The following TMEM106C variants were observed in gnomAD, a reference collection of about 807,000 sequenced individuals.
TMEM106C encodes transmembrane protein 106C.
A neutral mutation model predicts 30.8 loss-of-function variants in TMEM106C; 27 were observed. That is an observed-to-expected ratio of 0.88 (90% CI 0.65 to 1.21). The LOEUF (loss-of-function observed/expected upper bound fraction) is 1.21, where lower values mean the gene tolerates loss of function less well. Ranked by LOEUF, TMEM106C falls within the 50% of genes most tolerant of loss-of-function variation. The probability of loss-of-function intolerance (pLI) is 0.00; values close to 1 mark genes in which losing one functional copy is unlikely to be tolerated. For missense variants in TMEM106C, 288 were observed against 307.8 expected, an observed-to-expected ratio of 0.94 and a Z score of 0.48; for synonymous variants, 123 against 118.8, an observed-to-expected ratio of 1.04 and a Z score of -0.23.
At chr12:47,967,292 G>T (rs1032168700) in intron 7 of TMEM106C, 31 bp downstream of exon 7, 2 of 1,613,308 alleles carry the variant, frequency 1.2e-6, no homozygotes, top group Middle Eastern at 3.3e-4. Context: ...CCGATGGCCT[G>T]TCCGGCCATG....
intron 6 of TMEM106C, 92 bp from the exon 7 acceptor site, chr12:47,967,116 G>A (rs1938255037): frequency 7.5e-7 from 1 of 1,327,382 alleles, no homozygotes; most frequent in Non-Finnish European, 1.1e-6. Context: ...GGGGGAGGGG[G>A]GCACCCCAAA....
At chr12:47,965,402 T>C (rs1938189740) in intron 3 of TMEM106C, 57 bp downstream of exon 3, 1 of 1,416,578 alleles carries the variant, frequency 7.1e-7, no homozygotes, top group Non-Finnish European at 9.9e-7. Flanking sequence ...TCTCTTTCTG[T>C]ATGTATGAAT....
Position 47,965,975 on chromosome 12 carries a change from C to G in TMEM106C, c.389C>G (p.Ser130Cys). Residue 130 changes from serine (S) to cysteine (C), a missense_variant, in exon 4 of 8, where the codon TCC (serine) becomes TGC (cysteine). Ser to Cys is a moderately radical substitution (Grantham distance 112). Coordinates refer to ENST00000429772, the MANE Select transcript of TMEM106C (RefSeq NM_001143842.2). ...AAAGTCACATTTAATAAGCAAGACT[C>G]CCTTGTAATTCTCACCATCATGGTA... ...VVKVTFNKQD[S>C]LVILTIMATL... 1 of 1,614,208 alleles carries G rather than the reference C, an allele frequency of 6.2e-7. No homozygotes were observed. Among genetic ancestry groups the G allele is most frequent in the African/African-American group, 1.3e-5 (1 of 75,040 alleles).
At position 47,966,687 on chromosome 12, in the gene TMEM106C, A is replaced by T; in HGVS notation, c.557A>T (p.Asn186Ile). Reference sequence around the variant, plus strand: ...ACTCTGGTATCTTATTTTCAGGTGAATTTTACCGGGAAGGCCGAGATGGGA... The same window carrying T: ...ACTCTGGTATCTTATTTTCAGGTGATTTTTACCGGGAAGGCCGAGATGGGA... ...LIPPRSEQLV[N>I]FTGKAEMGGP... Residue 186 changes from asparagine to isoleucine, a missense_variant, in exon 6 of 8, where the codon AAT becomes ATT. Physicochemically the swap from Asn to Ile is moderately radical, Grantham distance 149. Transcript: ENST00000429772. 6.2e-7 allele frequency: 1 copy of T among 1,614,140 alleles called. No individual in the cohort carries two copies. Among genetic ancestry groups the T allele is most frequent in the South Asian group, 1.1e-5 (1 of 91,088 alleles).
chr12:47,964,188 C>G, intron 1 of TMEM106C, 21 bp from the exon 2 acceptor site: 1 of 1,579,164 alleles, frequency 6.3e-7, no homozygotes, highest in Non-Finnish European at 8.7e-7. Flanking sequence ...CGCTAACGTG[C>G]ACTCCCTCTT....
intron 4 of TMEM106C, 35 bp downstream of exon 4, chr12:47,966,032 C>T (rs1938210602): frequency 1.2e-6 from 2 of 1,614,024 alleles, no homozygotes; most frequent in African/African-American, 1.3e-5. Context: ...GGGTTGTGCA[C>T]CTGCCAGGCT....
chr12:47,967,080 A>G, intron 6 of TMEM106C, 128 bp from the exon 7 acceptor site: 1 of 919,428 alleles, frequency 1.1e-6, no homozygotes, highest in Admixed American at 1.9e-5. Flanking sequence ...GAGAGCTGAC[A>G]AGCCTTGGCA....
intron 1 of TMEM106C, 139 bp from the exon 2 acceptor site, chr12:47,964,065 TCCCGA>T: frequency 4.6e-6 from 3 of 656,368 alleles, no homozygotes; most frequent in Non-Finnish European, 7.8e-6. Context: ...AAAATGAGGG[TCCCGA>T]TAGAAATCGT....
chr12:47,965,680 G>A (rs1938195704), intron 3 of TMEM106C, 158 bp from the exon 4 acceptor site: 3 of 944,612 alleles, frequency 3.2e-6, no homozygotes, highest in Non-Finnish European at 3.2e-6. Context: ...GTTTTAAAAG[G>A]TTTCTCCTGC....
intron 1 of TMEM106C, chr12:47,963,930 G>C (rs541643730): frequency 4.2e-5 from 19 of 449,478 alleles, no homozygotes; most frequent in African/African-American, 3.0e-4. Context: ...AGGTGGGAGC[G>C]GGGGTGCCCC....
rs762585652 is a variant in TMEM106C, at chr12:47,968,114, T to G, written c.657-19T>G. 6.3e-7 allele frequency: 1 copy of G among 1,597,808 alleles called. No individual in the cohort carries two copies. Among genetic ancestry groups the G allele is most frequent in the Non-Finnish European group, 8.6e-7 (1 of 1,165,514 alleles). On this transcript the variant is annotated intron_variant, in intron 7 of 7. Transcript: ENST00000429772. ...ATCCCCCAAACATAATTAATTCTTC[T>G]TGGTTTTCTTTTCCCTAGAACTTCA...
At chr12:47,965,188 A>T in intron 2 of TMEM106C, 94 bp from the exon 3 acceptor site, 1 of 999,266 alleles carries the variant, frequency 1.0e-6, no homozygotes, top group Admixed American at 2.1e-5. Flanking sequence ...GTCTCATTCC[A>T]GAAGAATATT....
intron 2 of TMEM106C, 70 bp downstream of exon 2, chr12:47,964,493 C>A (rs762920925): frequency 6.6e-7 from 1 of 1,512,288 alleles, no homozygotes; most frequent in Non-Finnish European, 9.1e-7. Flanking sequence ...TCTGCCCAGA[C>A]AACTTTTCTT....
At chr12:47,967,031 T>C in intron 6 of TMEM106C, 177 bp from the exon 7 acceptor site, 1 of 717,902 alleles carries the variant, frequency 1.4e-6, no homozygotes, top group East Asian at 2.5e-5. Flanking sequence ...GAAAGTGGTA[T>C]GACGCTGTGG....
At position 47,965,967 on chromosome 12, in the gene TMEM106C, G is replaced by A. The variant is rs747959316; in HGVS notation, c.381G>A (p.Lys127=). 1.4e-4 allele frequency: 219 copies of A among 1,614,092 alleles called. 3 individuals carry two copies. Among genetic ancestry groups the A allele is most frequent in the Non-Finnish European group, 1.9e-5 (22 of 1,180,054 alleles). The stretch of plus-strand genomic sequence containing the variant: ...AAGTGGTGAAAGTCACATTTAATAA[G>A]CAAGACTCCCTTGTAATTCTCACCA... ...GIKVVKVTFN[K]QDSLVILTIM... The change falls in exon 4 of 8, where the codon AAG becomes AAA. Residue 127 remains lysine (K), a synonymous_variant. Transcript: ENST00000429772.
In TMEM106C at chr12:47,968,195, A is replaced by G; in HGVS notation, c.719A>G (p.Tyr240Cys). ...CAGAGCTCCTTGGAGACACATCACT[A>G]TGTGGATTGTGGAGGAAATTCCACA... ...MTQSSLETHH[Y>C]VDCGGNSTAI The change falls in exon 8 of 8, where the codon TAT becomes TGT. Residue 240 changes from tyrosine to cysteine, a missense_variant. Coordinates refer to ENST00000429772, the MANE Select transcript of TMEM106C (RefSeq NM_001143842.2). The G allele has an allele frequency of 1.9e-6, 3 of 1,614,050 alleles. No individual in the cohort carries two copies. The highest frequency in any genetic ancestry group is 2.5e-6 in the Non-Finnish European group (3 of 1,179,932).
At chr12:47,967,181 A>G in intron 6 of TMEM106C, 27 bp from the exon 7 acceptor site, 1 of 1,607,446 alleles carries the variant, frequency 6.2e-7, no homozygotes, top group African/African-American at 1.3e-5. Flanking sequence ...AAAAAAACTG[A>G]CTATTTCCAT....
intron 2 of TMEM106C, chr12:47,964,638 T>G (rs755824464): frequency 2.3e-5 from 13 of 567,884 alleles, no homozygotes; most frequent in Non-Finnish European, 3.8e-5. Flanking sequence ...ACCGCCACTC[T>G]TGTTCTTTTC....
At chr12:47,966,400 A>G in intron 5 of TMEM106C, 171 bp downstream of exon 5, 1 of 791,604 alleles carries the variant, frequency 1.3e-6, no homozygotes, top group East Asian at 2.7e-5. Flanking sequence ...GTGAGAAAAA[A>G]CAGCTATCAT....
Sources: gnomAD v4.1 joint callset for allele counts on GRCh38, gnomAD v4.1.1 for gene constraint, MANE v1.5 for transcripts, NCBI Gene and HGNC (gene_info 2026-07-23, HGNC 2026-07-21) for gene names.